Variants in POLH observed in about 807,000 individuals in gnomAD.
POLH encodes the protein DNA polymerase eta transcript.
POLH carries 53 observed loss-of-function variants against 73.6 expected under a neutral mutation model. The ratio of observed to expected loss-of-function variants is 0.72; its 90% CI spans 0.58 to 0.91. The LOEUF is 0.91. Among genes scored for constraint, POLH ranks in the 40% least tolerant of loss-of-function variants. The pLI is 0.00. For synonymous variants in POLH, 292 were observed against 308.5 expected, an observed-to-expected ratio of 0.95 and a Z score of 0.56; for missense variants, 768 against 865.4, an observed-to-expected ratio of 0.89 and a Z score of 1.41.
chr6:43,581,709 G>A (rs909230759), intron 1 of POLH, among the ~76,000 whole-genome samples: 3 of 146,696 alleles, frequency 2.0e-5, no homozygotes, highest in Non-Finnish European at 4.5e-5. Context: ...CGCGGCAGCG[G>A]CTCCGCTTCA....
Position 43,613,945 on chromosome 6 carries a change from C to A in POLH, c.1530C>A (p.Ser510Arg), listed in dbSNP as rs1156555573. The A allele has an allele frequency of 1.2e-6, 2 of 1,613,886 alleles. No homozygotes were observed. Among genetic ancestry groups the A allele is most frequent in the African/African-American group, 2.7e-5 (2 of 74,958 alleles). ...CTGCTCCCACTCAGGCTCCCATGAGCAATTCACCATCCAAGCCCTCATTAC... is the reference window on the plus strand; with the variant it reads ...CTGCTCCCACTCAGGCTCCCATGAGAAATTCACCATCCAAGCCCTCATTAC... ...SLTAPTQAPM[S>R]NSPSKPSLPF... is the part of the protein sequence containing the mutation. The change falls in exon 11 of 11, where the codon AGC (serine) becomes AGA (arginine). Residue 510 changes from serine (S) to arginine (R), a missense_variant. Transcript: ENST00000372236.
At chr6:43,598,583 C>A (rs1210188235) in intron 5 of POLH, among the ~76,000 whole-genome samples, 1 of 150,106 alleles carries the variant, frequency 6.7e-6, no homozygotes, top group African/African-American at 2.5e-5. Flanking sequence ...TCCAGTGAGC[C>A]AAGTTGTGCC....
intron 1 of POLH, chr6:43,578,522 CT>C: frequency 3.0e-6 from 1 of 330,054 alleles, no homozygotes; most frequent in South Asian, 2.4e-5. Context: ...GAGACTTTGT[CT>C]CAAAAAAAAA....
At chr6:43,593,184 A>G (rs1191157926) in intron 4 of POLH, among the ~76,000 whole-genome samples, 2 of 152,184 alleles carry the variant, frequency 1.3e-5, no homozygotes, top group Non-Finnish European at 2.9e-5. Context: ...ATGATCATAT[A>G]ATTATTATTA....
intron 3 of POLH, among the ~76,000 whole-genome samples, chr6:43,585,628 C>CTTTCT (rs1400478692): frequency 7.2e-6 from 1 of 139,846 alleles, no homozygotes; most frequent in African/African-American, 3.0e-5. Flanking sequence ...GTATATTGCT[C>CTTTCT]TTTCTTTTCT....
Position 43,613,695 on chromosome 6 carries a change from C to A in POLH, c.1280C>A (p.Thr427Lys), listed in dbSNP as rs1561914707. The A allele has an allele frequency of 6.2e-7, 1 of 1,614,006 alleles. No individual in the cohort carries two copies. The highest frequency in any genetic ancestry group is 8.5e-7 in the Non-Finnish European group (1 of 1,179,978). ...PPLTMLFLCA[T>K]KFSASAPSSS... The stretch of plus-strand genomic sequence containing the variant: ...CTCACAATGCTTTTCCTCTGTGCTA[C>A]AAAATTTTCTGCCTCTGCCCCTTCA... The change falls in exon 11 of 11, where the codon ACA becomes AAA. Residue 427 changes from threonine (T) to lysine (K), a missense_variant. By Grantham distance (78) the Thr-to-Lys change is moderately conservative (BLOSUM62 -1). Transcript: ENST00000372236.
Position 43,614,379 on chromosome 6 carries a change from T to C in POLH, c.1964T>C (p.Phe655Ser). The change falls in exon 11 of 11, where the codon TTT (phenylalanine) becomes TCT (serine). Residue 655 changes from phenylalanine (F) to serine (S), a missense_variant. Physicochemically the swap from Phe to Ser is radical, Grantham distance 155. Transcript: ENST00000372236. ...ATGCCAGAACACATGGACTATCATT[T>C]TGCATTGGAGTTGCAGAAATCCTTT... ...WDMPEHMDYH[F>S]ALELQKSFLQ... 6.2e-7 allele frequency: 1 copy of C among 1,614,138 alleles called. No individual in the cohort carries two copies. Among genetic ancestry groups the C allele is most frequent in the South Asian group, 1.1e-5 (1 of 91,084 alleles).
rs1420745387 is a variant in POLH, at chr6:43,619,495, T to C, written c.*4938T>C. On this transcript the variant is annotated 3_prime_UTR_variant, in exon 11 of 11. Coordinates refer to ENST00000372236, the MANE Select transcript of POLH (RefSeq NM_006502.3). ...GTGCTTTGCACATGATAGGTGCTGA[T>C]ACTCATTGGATGAATGTATATAGTG... 6.6e-6 allele frequency among the ~76,000 whole-genome samples: 1 copy of C among 151,822 alleles called. No homozygotes were observed. Among genetic ancestry groups the C allele is most frequent in the Non-Finnish European group, 1.5e-5 (1 of 67,964 alleles).
chr6:43,583,132 A>G lies in POLH; in HGVS notation c.263A>G (p.Asn88Ser). The G allele has an allele frequency of 1.9e-6, 3 of 1,614,024 alleles. No individual in the cohort carries two copies. The highest frequency in any genetic ancestry group is 2.5e-6 in the Non-Finnish European group (3 of 1,179,916). Residue 88 changes from asparagine (N) to serine (S), a missense_variant, in exon 3 of 11, where the codon AAC becomes AGC. Asn to Ser is a conservative substitution (Grantham distance 46). Coordinates refer to ENST00000372236, the MANE Select transcript of POLH (RefSeq NM_006502.3). Reference sequence around the variant, plus strand: ...GTTCGTGAGTCCCGTGGGAAAGCTAACCTCACCAAGTAAGAAAAAAACATT... The same window carrying G: ...GTTCGTGAGTCCCGTGGGAAAGCTAGCCTCACCAAGTAAGAAAAAAACATT... ...AQVRESRGKA[N>S]LTKYREASVE... is the part of the protein sequence containing the mutation.
chr6:43,604,532 G>A, intron 7 of POLH, 83 bp from the exon 8 acceptor site: 2 of 1,426,620 alleles, frequency 1.4e-6, no homozygotes, highest in South Asian at 2.3e-5. Flanking sequence ...AGATAAAAGG[G>A]CAATATAATA....
intron 3 of POLH, among the ~76,000 whole-genome samples, chr6:43,583,550 A>G (rs1764503316): frequency 6.6e-6 from 1 of 152,222 alleles, no homozygotes; most frequent in Non-Finnish European, 1.5e-5. Context: ...ATTGAACAAT[A>G]TCAAGGGAGA....
At chr6:43,584,921 G>T (rs550458832) in intron 3 of POLH, among the ~76,000 whole-genome samples, 3 of 152,144 alleles carry the variant, frequency 2.0e-5, no homozygotes, top group African/African-American at 7.2e-5. Context: ...CAGGAGGATT[G>T]CTTGAGCTCA....
chr6:43,584,506 C>T (rs1228264647), intron 3 of POLH, among the ~76,000 whole-genome samples: 1 of 152,146 alleles, frequency 6.6e-6, no homozygotes, highest in African/African-American at 2.4e-5. Context: ...TTTTCCTCTC[C>T]TCTCACACCA....
At chr6:43,581,795 C>T (rs573996150) in intron 1 of POLH, among the ~76,000 whole-genome samples, 9 of 150,732 alleles carry the variant, frequency 6.0e-5, no homozygotes, top group East Asian at 5.8e-4. Context: ...GCAGCGCAGC[C>T]GCGCCAACCA....
At chr6:43,605,042 AT>A (rs1561910200) in intron 8 of POLH, among the ~76,000 whole-genome samples, 1 of 152,154 alleles carries the variant, frequency 6.6e-6, no homozygotes, top group East Asian at 1.9e-4. Flanking sequence ...AAGTCACCTG[AT>A]GGCAAACAAG....
chr6:43,592,402 T>G (rs1765557198), intron 4 of POLH, among the ~76,000 whole-genome samples: 1 of 147,776 alleles, frequency 6.8e-6, no homozygotes, highest in African/African-American at 2.6e-5. Flanking sequence ...GCTTTGTATC[T>G]TCTTTTTTTT....
chr6:43,611,693 A>G (rs897928712), intron 10 of POLH, among the ~76,000 whole-genome samples: 4 of 152,158 alleles, frequency 2.6e-5, no homozygotes, highest in African/African-American at 9.7e-5. Context: ...TTAATCGCTT[A>G]TTACTTATCT....
At chr6:43,588,353 CTTCCTTCCTTCT>C (rs1317059963) in intron 4 of POLH, 3 of 135,738 alleles carry the variant, frequency 2.2e-5, no homozygotes, top group East Asian at 3.9e-4. Context: ...TCTGTCTTTC[CTTCCTTCCTTCT>C]TTCCTTCCTT....
At chr6:43,597,548 C>CTTA (rs1430626691) in intron 4 of POLH, 148 bp from the exon 5 acceptor site, 2 of 698,470 alleles carry the variant, frequency 2.9e-6, no homozygotes, top group African/African-American at 3.6e-5. Flanking sequence ...ATTGAGCTCT[C>CTTA]TTATAATTGG....
Sources: gnomAD v4.1 joint callset for allele counts (sites outside exome capture counted in the v4.1 genomes callset) on GRCh38, gnomAD v4.1.1 for gene constraint, MANE v1.5 for transcripts, NCBI Gene and HGNC (gene_info 2026-07-23, HGNC 2026-07-21) for gene names.